The following MECOM variants were observed in gnomAD, a reference collection of about 807,000 sequenced individuals.
MECOM encodes histone-lysine N-methyltransferase MECOM.
In MECOM, 13 loss-of-function variants were observed where a neutral mutation model predicts 116.3. The observed-to-expected ratio is 0.11, with a 90% CI of 0.07 to 0.18. MECOM has a LOEUF of 0.18. Ranked by LOEUF, MECOM falls within the 10% of genes least tolerant of loss-of-function variation. MECOM has a pLI of 1.00. For synonymous variants in MECOM, 528 were observed against 535.2 expected (o/e 0.99, Z 0.19); for missense variants, 1,299 against 1,509.0 (o/e 0.86, Z 2.31).
rs555068027 is a variant in MECOM at position 169,197,543 on chromosome 3, G to A, written c.376-53711C>T. Among the ~76,000 whole-genome samples the A allele has an allele frequency of 8.6e-5, 13 of 151,962 alleles. No homozygotes were observed. In the South Asian group the frequency reaches 2.7e-3, roughly 32 times the overall value. Reference sequence around the variant, plus strand: ...TTTACAAGGCAATTCATATGATAATGTTAGTGACTACTTCAAATGCTATGC... The same window carrying A: ...TTTACAAGGCAATTCATATGATAATATTAGTGACTACTTCAAATGCTATGC... On this transcript the variant is annotated intron_variant, in intron 2 of 16. Transcript: ENST00000651503.
intron 2 of MECOM, among the ~76,000 whole-genome samples, chr3:169,235,907 T>C (rs1050519221): frequency 1.3e-5 from 2 of 151,688 alleles, no homozygotes; most frequent in African/African-American, 4.8e-5. Flanking sequence ...CCTTGACTTA[T>C]ATGATTCAAC....
intron 1 of MECOM, among the ~76,000 whole-genome samples, chr3:169,493,382 T>G (rs59713151): frequency 0.15 from 22,857 of 152,056 alleles, 2,065 homozygotes; most frequent in African/African-American, 0.25. Flanking sequence ...CCTGTATGGT[T>G]CTTCTCCCTT....
chr3:169,263,133 T>G (rs1461984644), intron 2 of MECOM, among the ~76,000 whole-genome samples: 3 of 116,940 alleles, frequency 2.6e-5, no homozygotes, highest in Admixed American at 9.0e-5. Flanking sequence ...ATATATGTTT[T>G]TTTTTTTTTT....
chr3:169,504,522 C>T lies in MECOM; in HGVS notation c.38-122998G>A, dbSNP rs150028468. On this transcript the variant is annotated intron_variant, in intron 1 of 16. Coordinates refer to ENST00000651503, the MANE Select transcript of MECOM (RefSeq NM_004991.4). ...TGTGCAACTAACTATAATTCTATTC[C>T]ACTTTATTTTCATGTAACATTATTG... 1.7e-3 allele frequency among the ~76,000 whole-genome samples: 264 copies of T among 151,960 alleles called. 2 individuals carry two copies. Among genetic ancestry groups the T allele is most frequent in the African/African-American group, 6.1e-3 (254 of 41,448 alleles).
chr3:169,085,335 A>G (rs1717325874), intron 16 of MECOM, among the ~76,000 whole-genome samples: 1 of 152,210 alleles, frequency 6.6e-6, no homozygotes, highest in Non-Finnish European at 1.5e-5. Flanking sequence ...CTGTTCAACT[A>G]TAAATACAGT....
At chr3:169,376,470 C>A (rs1731057932) in intron 2 of MECOM, among the ~76,000 whole-genome samples, 1 of 152,306 alleles carries the variant, frequency 6.6e-6, no homozygotes, top group Non-Finnish European at 1.5e-5. Flanking sequence ...TGAAAAGCAA[C>A]TTCAGCAAAG....
chr3:169,261,779 A>G (rs1322214995), intron 2 of MECOM, among the ~76,000 whole-genome samples: 1 of 152,220 alleles, frequency 6.6e-6, no homozygotes, highest in South Asian at 2.1e-4. Flanking sequence ...GAAGACGACA[A>G]AAGAAGAAGA....
intron 1 of MECOM, among the ~76,000 whole-genome samples, chr3:169,437,028 A>G (rs1742774660): frequency 6.6e-6 from 1 of 152,230 alleles, no homozygotes; most frequent in African/African-American, 2.4e-5. Flanking sequence ...AAATAATTTC[A>G]GAGTACTTTA....
intron 2 of MECOM, among the ~76,000 whole-genome samples, chr3:169,229,576 GT>G (rs1239198237): frequency 6.6e-6 from 1 of 152,092 alleles, no homozygotes; most frequent in Non-Finnish European, 1.5e-5. Context: ...GCTGAATGAG[GT>G]CTGGATTCTG....
At chr3:169,426,570 T>C (rs1740735181) in intron 1 of MECOM, among the ~76,000 whole-genome samples, 1 of 152,208 alleles carries the variant, frequency 6.6e-6, no homozygotes, top group African/African-American at 2.4e-5. Flanking sequence ...TGAAAAGTGT[T>C]TTTCACCTTT....
At chr3:169,274,359 G>A (rs2149664307) in intron 2 of MECOM, among the ~76,000 whole-genome samples, 1 of 152,172 alleles carries the variant, frequency 6.6e-6, no homozygotes, top group Middle Eastern at 3.4e-3. Flanking sequence ...ATCTAATAAG[G>A]CCATTCTGTA....
intron 12 of MECOM, among the ~76,000 whole-genome samples, chr3:169,098,015 A>T (rs990867690): frequency 6.6e-6 from 1 of 152,038 alleles, no homozygotes; most frequent in African/African-American, 2.4e-5. Context: ...TATCATTTAC[A>T]TACCATTTTA....
intron 2 of MECOM, among the ~76,000 whole-genome samples, chr3:169,327,864 C>G (rs1232535905): frequency 6.6e-6 from 1 of 152,112 alleles, no homozygotes; most frequent in Non-Finnish European, 1.5e-5. Flanking sequence ...ATATGCTGAT[C>G]CTATAACACT....
intron 1 of MECOM, among the ~76,000 whole-genome samples, chr3:169,400,688 G>A (rs1192150934): frequency 2.0e-5 from 3 of 152,154 alleles, no homozygotes; most frequent in Admixed American, 6.5e-5. Context: ...CAAACACAGG[G>A]GAAAATATGG....
In MECOM at chr3:169,406,166, C is replaced by T. The variant is rs115897190; in HGVS notation, c.38-24642G>A. Among the ~76,000 whole-genome samples the T allele has an allele frequency of 5.8e-3, 890 of 152,270 alleles. 11 individuals carry two copies. The highest frequency in any genetic ancestry group is 0.02 in the African/African-American group (838 of 41,534). ...AACATTTTGAAATAGTTCATCCTGA[C>T]CAACAACTCAGGATATTCAACCATA... On this transcript the variant is annotated intron_variant, in intron 1 of 16. Transcript: ENST00000651503.
intron 1 of MECOM, among the ~76,000 whole-genome samples, chr3:169,433,411 TG>T (rs1741968387): frequency 1.3e-5 from 2 of 151,660 alleles, no homozygotes; most frequent in African/African-American, 4.9e-5. Flanking sequence ...GAGGTTGCAG[TG>T]AGCAGAGATC....
intron 7 of MECOM, 71 bp from the exon 8 acceptor site, chr3:169,116,810 T>C (rs1422524315): frequency 7.3e-6 from 11 of 1,499,376 alleles, no homozygotes; most frequent in African/African-American, 5.6e-5. Flanking sequence ...AATATCACAA[T>C]TGGTTTACTC....
chr3:169,422,052 GTT>G (rs1192145252), intron 1 of MECOM, among the ~76,000 whole-genome samples: 1 of 151,998 alleles, frequency 6.6e-6, no homozygotes. Flanking sequence ...ACAATTGTAA[GTT>G]TTATTTTTGC....
chr3:169,107,828 G>T (rs1428400236), intron 10 of MECOM, 98 bp downstream of exon 10: 10 of 970,894 alleles, frequency 1.0e-5, no homozygotes, highest in Non-Finnish European at 1.6e-5. Context: ...ATGGAAAGGG[G>T]TTCAGAATTA....
Sources: gnomAD v4.1 joint callset for allele counts (sites outside exome capture counted in the v4.1 genomes callset) on GRCh38, gnomAD v4.1.1 for gene constraint, MANE v1.5 for transcripts, NCBI Gene and HGNC (gene_info 2026-07-23, HGNC 2026-07-21) for gene names.